Variants in DCUN1D3 observed in about 807,000 individuals in gnomAD.
DCUN1D3 encodes defective in cullin neddylation 1 domain containing 3, also known as DCN1-like protein 3.
DCUN1D3 carries 6 observed loss-of-function variants against 24.8 expected under a neutral mutation model. The ratio of observed to expected loss-of-function variants is 0.24; its 90% CI spans 0.13 to 0.48. The LOEUF (loss-of-function observed/expected upper bound fraction) is 0.48. Among genes scored for constraint, DCUN1D3 ranks in the 20% least tolerant of loss-of-function variants. The pLI, the probability that DCUN1D3 is intolerant of heterozygous loss-of-function variation, is 0.99. For synonymous variants in DCUN1D3, 120 were observed against 144.9 expected (o/e 0.83, Z 1.24); for missense variants, 258 against 379.4 (o/e 0.68, Z 2.66).
At chr16:20,894,120 T>C (rs2081904716) in intron 1 of DCUN1D3, among the ~76,000 whole-genome samples, 1 of 151,832 alleles carries the variant, frequency 6.6e-6, no homozygotes, top group Non-Finnish European at 1.5e-5. Context: ...TACAATAAAT[T>C]AGTGGTGCAT....
rs2081707090 is a variant in DCUN1D3, at chr16:20,857,317, G to C, written c.*2569C>G. ...CAAAAAATAACTAAATGGCTTTTTT[G>C]GTGGGGGATGAGGAGGCTAAATAGT... On this transcript the variant is annotated 3_prime_UTR_variant, in exon 3 of 3. Coordinates refer to ENST00000324344, the MANE Select transcript of DCUN1D3 (RefSeq NM_173475.4). 6.6e-6 allele frequency: 1 copy of C among 152,080 alleles called. No homozygotes were observed. The highest frequency in any genetic ancestry group is 1.9e-4 in the East Asian group (1 of 5,198). 9.4% of individuals were successfully genotyped at this position (152,080 alleles called of 1,614,324 possible).
At chr16:20,873,061 G>A (rs1026491366) in intron 1 of DCUN1D3, among the ~76,000 whole-genome samples, 6 of 151,436 alleles carry the variant, frequency 4.0e-5, no homozygotes, top group African/African-American at 1.5e-4. Context: ...GGCAGAGGTA[G>A]CAGTGAGGAA....
Position 20,862,331 on chromosome 16 carries a change from T to G in DCUN1D3, c.208A>C (p.Thr70Pro). Reference protein sequence around the residue: ...EAATEACQLPTSSGDAGRESK... With the variant: ...EAATEACQLPPSSGDAGRESK... ...TCCCTCCCAGCATCTCCCGAGGACG[T>G]TGGCAGCTGGCAGGCCTCAGTGGCA... Residue 70 changes from threonine (T) to proline (P), a missense_variant, in exon 2 of 3, where the codon ACG becomes CCG. Coordinates refer to ENST00000324344, the MANE Select transcript of DCUN1D3 (RefSeq NM_173475.4). The G allele has an allele frequency of 6.2e-7, 1 of 1,614,236 alleles. No individual in the cohort carries two copies. Among genetic ancestry groups the G allele is most frequent in the South Asian group, 1.1e-5 (1 of 91,084 alleles).
intron 1 of DCUN1D3, among the ~76,000 whole-genome samples, chr16:20,867,806 C>T (rs1023883952): frequency 1.3e-5 from 2 of 152,212 alleles, no homozygotes; most frequent in African/African-American, 4.8e-5. Context: ...GACTTCCTAT[C>T]CCTGCACTGA....
At chr16:20,882,070 G>A (rs2081846692) in intron 1 of DCUN1D3, among the ~76,000 whole-genome samples, 1 of 151,844 alleles carries the variant, frequency 6.6e-6, no homozygotes. Context: ...CAAAGTACTG[G>A]GATTACAGGC....
rs565079829 is a variant in DCUN1D3, at chr16:20,896,667, G to A, written c.-106+3537C>T. Among the ~76,000 whole-genome samples the A allele has an allele frequency of 3.3e-5, 5 of 152,266 alleles. No homozygotes were observed. In the South Asian group the frequency reaches 1.0e-3, roughly 32 times the overall value. ...ACCATTGAAATGAAAATGAAGTGGA[G>A]AGCTTAATAACCCATCAGATAGAGC... On this transcript the variant is annotated intron_variant, in intron 1 of 2. Coordinates refer to ENST00000324344, the MANE Select transcript of DCUN1D3 (RefSeq NM_173475.4).
intron 1 of DCUN1D3, among the ~76,000 whole-genome samples, chr16:20,875,249 C>CAG: frequency 1.4e-5 from 2 of 145,914 alleles, no homozygotes; most frequent in South Asian, 4.4e-4. Flanking sequence ...CACACACACA[C>CAG]ACACACAAAT....
At chr16:20,866,179 C>A (rs867919640) in intron 1 of DCUN1D3, among the ~76,000 whole-genome samples, 4 of 152,128 alleles carry the variant, frequency 2.6e-5, no homozygotes, top group Non-Finnish European at 5.9e-5. Flanking sequence ...AGCAACTGTG[C>A]GAGCTGAATT....
chr16:20,865,766 G>C (rs1455000831), intron 1 of DCUN1D3, among the ~76,000 whole-genome samples: 1 of 152,124 alleles, frequency 6.6e-6, no homozygotes, highest in Non-Finnish European at 1.5e-5. Context: ...TAAAATACTT[G>C]GCTTCCTCCA....
At chr16:20,882,627 C>T (rs2081850074) in intron 1 of DCUN1D3, among the ~76,000 whole-genome samples, 2 of 152,114 alleles carry the variant, frequency 1.3e-5, no homozygotes, top group South Asian at 4.1e-4. Context: ...TCTTATGTTC[C>T]AACCAGACAA....
intron 1 of DCUN1D3, among the ~76,000 whole-genome samples, chr16:20,890,174 G>A (rs1328766062): frequency 6.6e-6 from 1 of 152,130 alleles, no homozygotes; most frequent in Non-Finnish European, 1.5e-5. Flanking sequence ...ATGCTTTCCT[G>A]AGTTCTATGA....
Position 20,859,617 on chromosome 16 carries a change from C to A in DCUN1D3, c.*269G>T. The A allele has an allele frequency of 1.8e-5, 4 of 221,018 alleles. No individual in the cohort carries two copies. The highest frequency in any genetic ancestry group is 1.7e-3 in the Middle Eastern group (1 of 594). 13.7% of individuals were successfully genotyped at this position (221,018 alleles called of 1,614,324 possible). On this transcript the variant is annotated 3_prime_UTR_variant, in exon 3 of 3. Transcript: ENST00000324344. The stretch of plus-strand genomic sequence containing the variant: ...GCAAGAAATGGCAGGCTTATTCTAT[C>A]TGAAGGCTTCAAAAAAAGATACACA...
intron 1 of DCUN1D3, among the ~76,000 whole-genome samples, chr16:20,867,061 G>A (rs1293585979): frequency 6.6e-6 from 1 of 152,132 alleles, no homozygotes; most frequent in African/African-American, 2.4e-5. Flanking sequence ...CACTTGATAC[G>A]GTGCCAGGCA....
At chr16:20,893,983 C>T (rs2081904053) in intron 1 of DCUN1D3, among the ~76,000 whole-genome samples, 1 of 152,174 alleles carries the variant, frequency 6.6e-6, no homozygotes, top group Non-Finnish European at 1.5e-5. Flanking sequence ...AATAAAGGAG[C>T]AGGCCAGGTG....
At chr16:20,897,963 C>A (rs2081924881) in intron 1 of DCUN1D3, among the ~76,000 whole-genome samples, 1 of 152,212 alleles carries the variant, frequency 6.6e-6, no homozygotes, top group African/African-American at 2.4e-5. Flanking sequence ...CTCCTTCTGG[C>A]AATTTGTTTG....
intron 1 of DCUN1D3, among the ~76,000 whole-genome samples, chr16:20,891,700 G>T (rs1449985829): frequency 6.6e-6 from 1 of 152,204 alleles, no homozygotes; most frequent in South Asian, 2.1e-4. Flanking sequence ...GATTATGGCT[G>T]ATTAGTCCAT....
chr16:20,892,762 GA>G lies in DCUN1D3; in HGVS notation c.-106+7441del, dbSNP rs74656093. On this transcript the variant is annotated intron_variant, in intron 1 of 2. Transcript: ENST00000324344. ...ACCATTTTGGGGTTGGTTTGGGGGG[GA>G]AAAAAAGAAAACTTACAGGGATAAT... 8.4e-4 allele frequency among the ~76,000 whole-genome samples: 128 copies of G among 151,902 alleles called. 1 individual carries two copies. The highest frequency in any genetic ancestry group is 6.6e-3 in the East Asian group (34 of 5,178).
intron 1 of DCUN1D3, among the ~76,000 whole-genome samples, chr16:20,889,812 C>T (rs1315601175): frequency 6.6e-6 from 1 of 152,084 alleles, no homozygotes; most frequent in Admixed American, 6.5e-5. Context: ...CACCATGGGC[C>T]CTTATAGTTT....
chr16:20,893,799 C>T (rs1411535332), intron 1 of DCUN1D3, among the ~76,000 whole-genome samples: 4 of 152,188 alleles, frequency 2.6e-5, no homozygotes, highest in Middle Eastern at 3.2e-3. Flanking sequence ...GGGGAATTAA[C>T]AGCATTCAAA....
Sources: allele counts gnomAD v4.1 joint callset (sites outside exome capture counted in the v4.1 genomes callset), GRCh38; gene constraint gnomAD v4.1.1; transcripts MANE v1.5; gene names NCBI Gene and HGNC (gene_info 2026-07-23, HGNC 2026-07-21).